FDFT1: variants seen among roughly 807,000 people sequenced by gnomAD.
The protein encoded by FDFT1 is farnesyl-diphosphate farnesyltransferase 1.
In FDFT1, 68 loss-of-function variants were observed where a neutral mutation model predicts 46.8. The ratio of observed to expected loss-of-function variants is 1.45; its 90% CI spans 1.19 to 1.78. The LOEUF is 1.78. Among genes scored for constraint, FDFT1 ranks in the 40% most tolerant of loss-of-function variants. The probability of loss-of-function intolerance (pLI) is 0.00; values close to 1 mark genes in which losing one functional copy is unlikely to be tolerated. For synonymous variants in FDFT1, 351 were observed against 185.1 expected, an observed-to-expected ratio of 1.90 and a Z score of -7.28; for missense variants, 928 against 524.4, an observed-to-expected ratio of 1.77 and a Z score of -7.52.
upstream of FDFT1, among the ~76,000 whole-genome samples, chr8:11,800,468 G>A (rs1175735766): frequency 6.6e-6 from 1 of 151,930 alleles, no homozygotes; most frequent in Non-Finnish European, 1.5e-5. Context: ...GGTGCCTCAC[G>A]TTCTGTATTT....
upstream of FDFT1, among the ~76,000 whole-genome samples, chr8:11,797,243 T>A (rs966127126): frequency 1.1e-4 from 16 of 152,164 alleles, no homozygotes; most frequent in African/African-American, 3.9e-4. Context: ...TCTATCTCAT[T>A]TTGAGTTCCT....
upstream of FDFT1, chr8:11,802,035 G>GTT (rs560474904): frequency 1.8e-4 from 81 of 456,028 alleles, no homozygotes; most frequent in African/African-American, 1.4e-3. Context: ...GATGAGAGAA[G>GTT]TTTCCACATT....
chr8:11,796,682 C>T (rs1471449857), intron 1 of FDFT1, among the ~76,000 whole-genome samples: 1 of 152,126 alleles, frequency 6.6e-6, no homozygotes, highest in Non-Finnish European at 1.5e-5. Context: ...GTTTGAGGAG[C>T]CTATTTGTTT....
At chr8:11,837,427 T>C (rs940489260) in intron 7 of FDFT1, among the ~76,000 whole-genome samples, 4 of 152,170 alleles carry the variant, frequency 2.6e-5, no homozygotes, top group African/African-American at 7.2e-5. Context: ...AAACAGGGTT[T>C]TACTGTGTTG....
Position 11,838,931 on chromosome 8 carries a change from C to T in FDFT1, c.*322C>T, listed in dbSNP as rs10091118. Reference sequence around the variant, plus strand: ...GAGATCCTACTTAGTATGATCCTGGCTAGAATGATAATTAAAAGTATTTAA... The same window carrying T: ...GAGATCCTACTTAGTATGATCCTGGTTAGAATGATAATTAAAAGTATTTAA... On this transcript the variant is annotated 3_prime_UTR_variant, in exon 8 of 8. Transcript: ENST00000220584. 7.5e-4 allele frequency: 203 copies of T among 269,372 alleles called. 1 individual carries two copies. Among genetic ancestry groups the T allele is most frequent in the African/African-American group, 4.4e-3 (196 of 44,262 alleles). The allele number at this position is 269,372 out of a possible 1,614,324, so 16.7% of individuals were successfully genotyped here.
intron 3 of FDFT1, among the ~76,000 whole-genome samples, chr8:11,815,611 CTGA>C (rs1419511866): frequency 1.3e-5 from 2 of 152,218 alleles, no homozygotes; most frequent in African/African-American, 2.4e-5. Context: ...TTGCATTTCT[CTGA>C]TGACCAGTGG....
intron 6 of FDFT1, 62 bp from the exon 7 acceptor site, chr8:11,831,456 T>A (rs1810773798): frequency 6.7e-7 from 1 of 1,482,572 alleles, no homozygotes; most frequent in Middle Eastern, 1.7e-4. Flanking sequence ...CTTACCTTTT[T>A]GTGATAATGA....
At chr8:11,825,030 C>T (rs575406108) in intron 4 of FDFT1, among the ~76,000 whole-genome samples, 4 of 151,930 alleles carry the variant, frequency 2.6e-5, no homozygotes, top group Admixed American at 1.3e-4. Context: ...CCATCGTGCC[C>T]GGCTGAATGT....
intron 4 of FDFT1, among the ~76,000 whole-genome samples, chr8:11,823,943 A>T (rs56130098): frequency 0.082 from 12,508 of 152,080 alleles, 1,111 homozygotes; most frequent in African/African-American, 0.22. Flanking sequence ...ACAGGGTTTC[A>T]TCGTGTTGCC....
chr8:11,814,898 T>C (rs1036737068), intron 3 of FDFT1, among the ~76,000 whole-genome samples: 1 of 152,156 alleles, frequency 6.6e-6, no homozygotes, highest in Admixed American at 6.5e-5. Flanking sequence ...CTTTAAGTTC[T>C]AGGGTACATG....
rs145955238 is a variant in FDFT1 at position 11,833,444 on chromosome 8, T to TA, written c.1032+1775dup. Among the ~76,000 whole-genome samples, 409 of 152,330 alleles carry TA rather than the reference T, an allele frequency of 2.7e-3. 3 individuals are homozygous for TA. Among genetic ancestry groups the TA allele is most frequent in the African/African-American group, 9.5e-3 (393 of 41,572 alleles). On this transcript the variant is annotated intron_variant, in intron 7 of 7. Transcript: ENST00000220584. ...CATTTTATATAAACTAGAAACATTT[T>TA]ATGTAGTAAGTAGTTGAGAGTGTTT...
intron 3 of FDFT1, among the ~76,000 whole-genome samples, chr8:11,817,119 TGAGATA>T (rs1278717905): frequency 1.4e-4 from 21 of 152,320 alleles, no homozygotes; most frequent in African/African-American, 5.1e-4. Flanking sequence ...GTGCATCTAT[TGAGATA>T]ATCATGTGGT....
rs768164245 is a variant in FDFT1, at chr8:11,808,810, G to A, written c.116G>A (p.Ser39Asn). 1.2e-6 allele frequency: 2 copies of A among 1,613,748 alleles called. No individual in the cohort carries two copies. Among genetic ancestry groups the A allele is most frequent in the Non-Finnish European group, 1.7e-6 (2 of 1,179,946 alleles). Residue 39 changes from serine to asparagine, a missense_variant, in exon 2 of 8, where the codon AGC becomes AAC. Coordinates refer to ENST00000220584, the MANE Select transcript of FDFT1 (RefSeq NM_004462.5). The stretch of plus-strand genomic sequence containing the variant: ...TGCCCGCAGGACTCGCTCAGCAGCA[G>A]CCTGAAAACTTGCTACAAGTATCTC... Reference protein sequence around the residue: ...PKMDQDSLSSSLKTCYKYLNQ... With the variant: ...PKMDQDSLSSNLKTCYKYLNQ...
At chr8:11,816,259 T>C (rs568201235) in intron 3 of FDFT1, among the ~76,000 whole-genome samples, 6 of 152,322 alleles carry the variant, frequency 3.9e-5, no homozygotes, top group Non-Finnish European at 5.9e-5. Flanking sequence ...CATGCTGTTT[T>C]GGTTACTGTA....
rs776673503 is a variant in FDFT1 at position 11,830,420 on chromosome 8, G to A, written c.879G>A (p.Gln293=). 2.5e-6 allele frequency: 4 copies of A among 1,610,998 alleles called. No individual in the cohort carries two copies. Among genetic ancestry groups the A allele is most frequent in the Admixed American group, 3.3e-5 (2 of 59,974 alleles). ...TGTTTAACTTCTGTGCTATTCCACA[G>A]GTAGGGAAGGGGGCTCCTCTGGGTG... is the stretch of plus-strand genomic sequence containing the variant. ...QSVFNFCAIP[Q]VMAIATLAAC... is the part of the protein sequence containing the mutation. The change falls in exon 6 of 8, where the codon CAG becomes CAA. Residue 293 remains glutamine, a splice_region_variant and synonymous_variant. Coordinates refer to ENST00000220584, the MANE Select transcript of FDFT1 (RefSeq NM_004462.5).
chr8:11,812,173 T>C (rs910005116), intron 3 of FDFT1, among the ~76,000 whole-genome samples: 3 of 152,188 alleles, frequency 2.0e-5, no homozygotes, highest in Non-Finnish European at 2.9e-5. Flanking sequence ...ACTGGGGCCA[T>C]GGGAATGTGC....
At chr8:11,810,056 G>A (rs893397630) in intron 3 of FDFT1, 10 of 528,678 alleles carry the variant, frequency 1.9e-5, no homozygotes, top group Non-Finnish European at 2.7e-5. Context: ...TAAACTGTTG[G>A]TTACTTACAA....
At chr8:11,815,069 C>T (rs771948936) in intron 3 of FDFT1, among the ~76,000 whole-genome samples, 1 of 152,062 alleles carries the variant, frequency 6.6e-6, no homozygotes, top group African/African-American at 2.4e-5. Flanking sequence ...CTCCTTGTGT[C>T]CATGTGTTCT....
intron 1 of FDFT1, among the ~76,000 whole-genome samples, chr8:11,806,575 A>AGG (rs892692342): frequency 1.3e-5 from 2 of 152,086 alleles, no homozygotes; most frequent in African/African-American, 2.4e-5. Flanking sequence ...GTTTAAATCT[A>AGG]GGGGGACCGT....
Sources: gnomAD v4.1 joint callset for allele counts (sites outside exome capture counted in the v4.1 genomes callset) on GRCh38, gnomAD v4.1.1 for gene constraint, MANE v1.5 for transcripts, NCBI Gene and HGNC (gene_info 2026-07-23, HGNC 2026-07-21) for gene names.